Variants in KCNN2 observed in about 807,000 individuals in gnomAD.
KCNN2 encodes the protein potassium calcium-activated channel subfamily N member 2, also known as small conductance calcium-activated potassium channel protein 2.
A neutral mutation model predicts 55.5 loss-of-function variants in KCNN2; 24 were observed. The ratio of observed to expected loss-of-function variants is 0.43; its 90% CI spans 0.31 to 0.61. The LOEUF (loss-of-function observed/expected upper bound fraction) is 0.61, where lower values mean the gene tolerates loss of function less well. Among genes scored for constraint, KCNN2 ranks in the 20% least tolerant of loss-of-function variants. KCNN2 has a pLI of 0.08. For missense variants in KCNN2, 754 were observed against 853.6 expected, an observed-to-expected ratio of 0.88 and a Z score of 1.45; for synonymous variants, 431 against 336.1, an observed-to-expected ratio of 1.28 and a Z score of -3.09.
At chr5:114,458,790 G>C (rs1464217253) in intron 3 of KCNN2, among the ~76,000 whole-genome samples, 2 of 152,154 alleles carry the variant, frequency 1.3e-5, no homozygotes, top group East Asian at 3.8e-4. Context: ...AAAGCTACAG[G>C]GAATCTGGAG....
intron 2 of KCNN2, among the ~76,000 whole-genome samples, chr5:114,311,840 T>G (rs77088390): frequency 0.052 from 7,971 of 152,266 alleles, 222 homozygotes; most frequent in Non-Finnish European, 0.065. Context: ...AGTTACAATT[T>G]CTCTGAGCCT....
At chr5:114,303,754 G>T (rs1252685756) in intron 2 of KCNN2, among the ~76,000 whole-genome samples, 2 of 152,216 alleles carry the variant, frequency 1.3e-5, no homozygotes, top group Admixed American at 1.3e-4. Flanking sequence ...AGAATGGCAA[G>T]ACAATAGAAA....
chr5:114,285,801 AT>A (rs1755733109), intron 2 of KCNN2, among the ~76,000 whole-genome samples: 1 of 152,196 alleles, frequency 6.6e-6, no homozygotes, highest in African/African-American at 2.4e-5. Context: ...TGTATGTAAA[AT>A]AACTCAATAT....
chr5:114,471,694 T>C (rs1761753820), intron 4 of KCNN2, among the ~76,000 whole-genome samples: 1 of 152,214 alleles, frequency 6.6e-6, no homozygotes, highest in African/African-American at 2.4e-5. Flanking sequence ...TCTCTGATCA[T>C]GTGATCAGTA....
At chr5:114,328,239 C>T (rs972982065) in intron 2 of KCNN2, among the ~76,000 whole-genome samples, 2 of 152,134 alleles carry the variant, frequency 1.3e-5, no homozygotes, top group African/African-American at 4.8e-5. Context: ...GTGCTAGCTG[C>T]TGCTGAATCA....
At chr5:114,208,239 C>T (rs1452778950) in intron 1 of KCNN2, among the ~76,000 whole-genome samples, 1 of 152,146 alleles carries the variant, frequency 6.6e-6, no homozygotes, top group African/African-American at 2.4e-5. Flanking sequence ...TGAAATTGAA[C>T]GGAGTGTAAT....
chr5:114,163,078 C>T (rs13179116), intron 1 of KCNN2, among the ~76,000 whole-genome samples: 17,114 of 152,148 alleles, frequency 0.11, 1,160 homozygotes, highest in Middle Eastern at 0.24. Context: ...AGAAATCACC[C>T]GTCTTCTGCG....
chr5:114,177,040 A>C (rs1446175250), intron 1 of KCNN2, among the ~76,000 whole-genome samples: 4 of 152,004 alleles, frequency 2.6e-5, no homozygotes, highest in Non-Finnish European at 4.4e-5. Flanking sequence ...CAATCACTTC[A>C]TTCATTTTCC....
chr5:114,496,189 A>G lies in KCNN2; in HGVS notation c.*7A>G, dbSNP rs1184832749. 4 of 1,612,058 alleles carry G rather than the reference A, an allele frequency of 2.5e-6. No homozygotes were observed. The highest frequency in any genetic ancestry group is 1.3e-5 in the African/African-American group (1 of 74,882). ...TTCATCAGAGAGTAGCTAGAAGAGAATAAGTTAACCACAAAATAAGACTTT... is the reference window on the plus strand; with the variant it reads ...TTCATCAGAGAGTAGCTAGAAGAGAGTAAGTTAACCACAAAATAAGACTTT... On this transcript the variant is annotated 3_prime_UTR_variant, in exon 8 of 8. Transcript: ENST00000673685.
intron 5 of KCNN2, among the ~76,000 whole-genome samples, chr5:114,485,339 T>A (rs1378248811): frequency 1.3e-5 from 2 of 152,124 alleles, no homozygotes; most frequent in South Asian, 2.1e-4. Flanking sequence ...TGCTTAGAGA[T>A]CTGAGACTCT....
intron 2 of KCNN2, among the ~76,000 whole-genome samples, chr5:114,385,786 A>G (rs1580776488): frequency 6.6e-6 from 1 of 151,990 alleles, no homozygotes; most frequent in East Asian, 1.9e-4. Context: ...ATGTATGATA[A>G]ATAATGATGA....
chr5:114,476,981 A>G (rs1380305082), intron 5 of KCNN2, among the ~76,000 whole-genome samples: 1 of 66,556 alleles, frequency 1.5e-5, no homozygotes, highest in Non-Finnish European at 4.8e-5. Context: ...ATAAATGAGT[A>G]TAAACTTTAA....
At chr5:114,225,066 T>TACAACAA (rs1754213493) in intron 2 of KCNN2, among the ~76,000 whole-genome samples, 1 of 152,220 alleles carries the variant, frequency 6.6e-6, no homozygotes, top group Non-Finnish European at 1.5e-5. Context: ...TAGAAGACTT[T>TACAACAA]ATACCTGAAA....
intron 2 of KCNN2, among the ~76,000 whole-genome samples, chr5:114,294,751 T>C (rs1001123356): frequency 1.3e-5 from 2 of 152,164 alleles, no homozygotes; most frequent in Non-Finnish European, 2.9e-5. Flanking sequence ...GTATCCTTGT[T>C]AAATTTCTGT....
intron 2 of KCNN2, among the ~76,000 whole-genome samples, chr5:114,238,364 G>A (rs1754549549): frequency 6.6e-6 from 1 of 152,046 alleles, no homozygotes; most frequent in Non-Finnish European, 1.5e-5. Flanking sequence ...AGTGGCTCAC[G>A]CCTGTAATCC....
intron 6 of KCNN2, among the ~76,000 whole-genome samples, chr5:114,492,113 G>A (rs1477345986): frequency 6.6e-6 from 1 of 152,138 alleles, no homozygotes; most frequent in Non-Finnish European, 1.5e-5. Flanking sequence ...TAAAGATCGT[G>A]TTGTAGGTAT....
intron 1 of KCNN2, among the ~76,000 whole-genome samples, chr5:114,142,505 A>G (rs1752307342): frequency 6.6e-6 from 1 of 152,162 alleles, no homozygotes; most frequent in East Asian, 1.9e-4. Flanking sequence ...TAAGCTGATA[A>G]TCAACTTCAG....
chr5:114,074,937 A>G (rs1347314501), intron 1 of KCNN2, among the ~76,000 whole-genome samples: 2 of 152,212 alleles, frequency 1.3e-5, no homozygotes, highest in Non-Finnish European at 2.9e-5. Flanking sequence ...CTGGAACTGC[A>G]TTTCTTGTAA....
intron 3 of KCNN2, among the ~76,000 whole-genome samples, chr5:114,453,315 A>G (rs1760775958): frequency 6.6e-6 from 1 of 152,216 alleles, no homozygotes. Context: ...CAAGAGATGC[A>G]TTGCCTACCT....
Sources: gnomAD v4.1 joint callset for allele counts (sites outside exome capture counted in the v4.1 genomes callset) on GRCh38, gnomAD v4.1.1 for gene constraint, MANE v1.5 for transcripts, NCBI Gene and HGNC (gene_info 2026-07-23, HGNC 2026-07-21) for gene names.